Variants in KIAA1217 observed in about 807,000 individuals in gnomAD.
KIAA1217 encodes KIAA1217.
In KIAA1217, 88 loss-of-function variants were observed where a neutral mutation model predicts 163.9. That is an observed-to-expected ratio of 0.54 (90% CI 0.45 to 0.64). The LOEUF is 0.64. KIAA1217 is among the 30% of genes least tolerant of loss of function. KIAA1217 has a pLI of 0.00. For synonymous variants in KIAA1217, 903 were observed against 923.1 expected (o/e 0.98, Z 0.39); for missense variants, 2,372 against 2,475.0 (o/e 0.96, Z 0.88).
At chr10:24,520,653 T>TAA (rs2071047074) in intron 11 of KIAA1217, among the ~76,000 whole-genome samples, 1 of 77,482 alleles carries the variant, frequency 1.3e-5, no homozygotes, top group African/African-American at 5.9e-5. Context: ...AAAAAAAAAA[T>TAA]ATATATATAT....
intron 1 of KIAA1217, among the ~76,000 whole-genome samples, chr10:23,994,980 A>C (rs773439072): frequency 1.6e-4 from 25 of 152,132 alleles, no homozygotes; most frequent in Non-Finnish European, 2.5e-4. Flanking sequence ...CCTTACCCTG[A>C]GCTGTAAAAT....
chr10:24,216,708 T>C (rs567388004), intron 1 of KIAA1217, among the ~76,000 whole-genome samples: 4 of 151,356 alleles, frequency 2.6e-5, no homozygotes, highest in African/African-American at 9.7e-5. Context: ...ACGGCTGTAA[T>C]CTCAGCTACT....
chr10:24,421,446 T>C (rs941360869), intron 3 of KIAA1217, among the ~76,000 whole-genome samples: 4 of 152,246 alleles, frequency 2.6e-5, no homozygotes, highest in African/African-American at 9.6e-5. Context: ...CTTACATTAT[T>C]ATATTGTCTA....
chr10:24,149,726 T>C (rs2064513434), intron 2 of KIAA1217, among the ~76,000 whole-genome samples: 1 of 152,174 alleles, frequency 6.6e-6, no homozygotes, highest in Non-Finnish European at 1.5e-5. Flanking sequence ...ATAATTTATA[T>C]TTCAAAATAA....
chr10:24,265,721 A>T (rs536888721), intron 2 of KIAA1217, among the ~76,000 whole-genome samples: 1 of 152,338 alleles, frequency 6.6e-6, no homozygotes, highest in Non-Finnish European at 1.5e-5. Context: ...ATGCTAGATG[A>T]TAGATGTACA....
At chr10:24,270,154 A>G (rs554081776) in intron 2 of KIAA1217, among the ~76,000 whole-genome samples, 21 of 152,242 alleles carry the variant, frequency 1.4e-4, no homozygotes, top group Non-Finnish European at 3.1e-4. Flanking sequence ...GATTTTTTCA[A>G]AACAGAATAA....
chr10:24,108,755 G>A (rs2062726622), intron 2 of KIAA1217, among the ~76,000 whole-genome samples: 3 of 152,200 alleles, frequency 2.0e-5, no homozygotes, highest in Non-Finnish European at 1.5e-5. Flanking sequence ...TTGGAAAGTA[G>A]ATGGGAATCT....
intron 6 of KIAA1217, 60 bp from the exon 7 acceptor site, chr10:24,494,440 C>A: frequency 7.1e-7 from 1 of 1,417,492 alleles, no homozygotes; most frequent in Non-Finnish European, 1.0e-6. Context: ...GGTGCATTCA[C>A]CCGGACAAAC....
In KIAA1217 at chr10:23,934,587, A is replaced by ACTT. The variant is rs1190193526; in HGVS notation, c.-320-72638_-320-72637insCTT. On this transcript the variant is annotated intron_variant, in intron 1 of 18. Coordinates refer to the KIAA1217 transcript ENST00000376462. The stretch of plus-strand genomic sequence containing the variant: ...TATATATATATATATATATATATAT[A>ACTT]TATGTATATATATATATATGTATAT... Among the ~76,000 whole-genome samples the ACTT allele has an allele frequency of 1.7e-4, 10 of 60,322 alleles. 1 individual carries two copies. The East Asian group carries it at 3.1e-3, about 19-fold the overall frequency. The allele number at this position is 60,322 out of a possible 152,430, so 39.6% of individuals were successfully genotyped here.
rs576539664 is a variant in KIAA1217, at chr10:24,479,922, G to C, written c.1679+5862G>C. On this transcript the variant is annotated intron_variant, in intron 6 of 20. Coordinates refer to ENST00000376454, the MANE Select transcript of KIAA1217 (RefSeq NM_019590.5). ...CTCACTACATTGAGAACAGCATGAGGCCCTTCATGAGGGATCTGCCCCCAT... is the reference window on the plus strand; with the variant it reads ...CTCACTACATTGAGAACAGCATGAGCCCCTTCATGAGGGATCTGCCCCCAT... 5.0e-4 allele frequency among the ~76,000 whole-genome samples: 76 copies of C among 152,296 alleles called. 1 individual carries two copies. The highest frequency in any genetic ancestry group is 1.8e-3 in the African/African-American group (75 of 41,550).
At chr10:24,488,452 T>C (rs951886847) in intron 6 of KIAA1217, among the ~76,000 whole-genome samples, 17 of 152,188 alleles carry the variant, frequency 1.1e-4, no homozygotes, top group African/African-American at 3.9e-4. Context: ...TTCTTGCTCA[T>C]GCCATAAGCA....
chr10:23,888,741 G>C (rs1440906034), intron 1 of KIAA1217, among the ~76,000 whole-genome samples: 1 of 151,808 alleles, frequency 6.6e-6, no homozygotes, highest in African/African-American at 2.4e-5. Context: ...TGTATAATTT[G>C]CATAAAGTAA....
intron 1 of KIAA1217, among the ~76,000 whole-genome samples, chr10:23,930,218 C>T (rs1843202805): frequency 6.6e-6 from 1 of 151,706 alleles, no homozygotes; most frequent in Admixed American, 6.6e-5. Flanking sequence ...TATCCTTCAC[C>T]CACTTTTAAA....
intron 1 of KIAA1217, among the ~76,000 whole-genome samples, chr10:23,864,105 C>A (rs1840074668): frequency 7.1e-6 from 1 of 140,612 alleles, no homozygotes; most frequent in African/African-American, 2.8e-5. Flanking sequence ...TATTATTATT[C>A]CTACTTTACA....
At chr10:23,862,332 T>C (rs564929546) in intron 1 of KIAA1217, among the ~76,000 whole-genome samples, 2 of 152,182 alleles carry the variant, frequency 1.3e-5, no homozygotes, top group Non-Finnish European at 2.9e-5. Flanking sequence ...TGTGCATTTC[T>C]AAGTTAAATT....
intron 2 of KIAA1217, among the ~76,000 whole-genome samples, chr10:24,007,639 G>C (rs1847059274): frequency 6.6e-6 from 1 of 152,264 alleles, no homozygotes; most frequent in Non-Finnish European, 1.5e-5. Context: ...CCATGTATTA[G>C]ATCCATTTAT....
intron 9 of KIAA1217, 48 bp downstream of exon 9, chr10:24,501,593 C>T (rs1293361437): frequency 1.9e-6 from 3 of 1,562,480 alleles, no homozygotes; most frequent in South Asian, 2.3e-5. Flanking sequence ...CTGAGCTCTT[C>T]CTACCTTCCT....
chr10:23,801,869 C>G (rs1205423609), intron 1 of KIAA1217, among the ~76,000 whole-genome samples: 1 of 152,164 alleles, frequency 6.6e-6, no homozygotes, highest in Non-Finnish European at 1.5e-5. Flanking sequence ...AGCTTTTTGA[C>G]AACGTGATTA....
chr10:23,711,205 C>A (rs766753247), intron 1 of KIAA1217, among the ~76,000 whole-genome samples: 4 of 152,166 alleles, frequency 2.6e-5, no homozygotes, highest in Non-Finnish European at 5.9e-5. Context: ...CCCTTAACCC[C>A]AGAAGATGTC....
Sources: allele counts gnomAD v4.1 joint callset (sites outside exome capture counted in the v4.1 genomes callset), GRCh38; gene constraint gnomAD v4.1.1; transcripts MANE v1.5; gene names NCBI Gene and HGNC (gene_info 2026-07-23, HGNC 2026-07-21).